Variants in SMG6 observed in about 807,000 individuals in gnomAD.
The protein encoded by SMG6 is SMG6 nonsense mediated mRNA decay factor.
In SMG6, 66 loss-of-function variants were observed where a neutral mutation model predicts 142.2. The ratio of observed to expected loss-of-function variants is 0.46; its 90% CI spans 0.38 to 0.57. The LOEUF is 0.57. Ranked by LOEUF, SMG6 falls within the 20% of genes least tolerant of loss-of-function variation. SMG6 has a pLI of 0.00. For synonymous variants in SMG6, 779 were observed against 702.4 expected, an observed-to-expected ratio of 1.11 and a Z score of -1.72; for missense variants, 1,793 against 1,832.0, an observed-to-expected ratio of 0.98 and a Z score of 0.39.
At chr17:2,194,422 T>C (rs2072254945) in intron 10 of SMG6, among the ~76,000 whole-genome samples, 1 of 152,158 alleles carries the variant, frequency 6.6e-6, no homozygotes, top group African/African-American at 2.4e-5. Context: ...CATGAACTTG[T>C]TTGAAGCAAG....
At chr17:2,189,089 A>G (rs1247063362) in intron 10 of SMG6, among the ~76,000 whole-genome samples, 1 of 152,236 alleles carries the variant, frequency 6.6e-6, no homozygotes, top group African/African-American at 2.4e-5. Context: ...CTTTCATGGA[A>G]TGAGTTAATT....
chr17:2,213,610 G>A (rs546568236), intron 10 of SMG6: 27 of 152,222 alleles, frequency 1.8e-4, no homozygotes, highest in Non-Finnish European at 3.1e-4. Flanking sequence ...AATTTCAATT[G>A]TGCAGCTTTT....
chr17:2,303,412 G>C lies in SMG6; in HGVS notation c.88+221C>G, dbSNP rs2075332249. ...AGAAAGAGGGTGGAGGCAGGAATTC[G>C]GGCCAGGCTCTCCCGGAGCTGGCCA... On this transcript the variant is annotated intron_variant, in intron 1 of 18. Transcript: ENST00000263073. The C allele has an allele frequency of 8.0e-6, 10 of 1,250,990 alleles. No homozygotes were observed. In the East Asian group the frequency reaches 2.5e-4, roughly 32 times the overall value. The allele number at this position is 1,250,990 out of a possible 1,614,324, so 77.5% of individuals were successfully genotyped here. A position where few individuals can be genotyped will look rare whatever the true frequency, so the allele number is the denominator to read the frequency against.
intron 13 of SMG6, among the ~76,000 whole-genome samples, chr17:2,118,443 G>C (rs2069576242): frequency 6.6e-6 from 1 of 152,120 alleles, no homozygotes; most frequent in African/African-American, 2.4e-5. Context: ...GGAGGCTGAG[G>C]CACGAGAATC....
At chr17:2,291,224 G>A (rs1026251681) in intron 6 of SMG6, among the ~76,000 whole-genome samples, 2 of 152,060 alleles carry the variant, frequency 1.3e-5, no homozygotes, top group African/African-American at 4.8e-5. Context: ...CCAGCTACTC[G>A]GGAGGCTGAG....
At chr17:2,274,567 C>T (rs2074607980) in intron 8 of SMG6, among the ~76,000 whole-genome samples, 1 of 152,208 alleles carries the variant, frequency 6.6e-6, no homozygotes, top group South Asian at 2.1e-4. Context: ...ACACGTATTA[C>T]ATTCTATTTG....
At chr17:2,274,834 C>T (rs781720753) in intron 8 of SMG6, among the ~76,000 whole-genome samples, 8 of 152,138 alleles carry the variant, frequency 5.3e-5, no homozygotes, top group Non-Finnish European at 1.0e-4. Flanking sequence ...GAGACAAACA[C>T]CTATTGGCCA....
chr17:2,114,395 A>C (rs1438930749), intron 13 of SMG6, among the ~76,000 whole-genome samples: 1 of 152,188 alleles, frequency 6.6e-6, no homozygotes, highest in Non-Finnish European at 1.5e-5. Context: ...ACTAAAAATA[A>C]ATAAATAAAT....
chr17:2,128,835 G>A (rs866944899), intron 13 of SMG6, among the ~76,000 whole-genome samples: 80 of 102,362 alleles, frequency 7.8e-4, no homozygotes, highest in African/African-American at 1.8e-3. Context: ...AAAAAAAAAA[G>A]AGAGAGAGAG....
At chr17:2,283,499 G>A in intron 7 of SMG6, 126 bp downstream of exon 7, 1 of 739,600 alleles carries the variant, frequency 1.4e-6, no homozygotes. Context: ...CAGACACTGA[G>A]CAATAACTGC....
At chr17:2,094,742 A>G (rs1420976322) in intron 13 of SMG6, 1 of 152,124 alleles carries the variant, frequency 6.6e-6, no homozygotes, top group Non-Finnish European at 1.5e-5. Flanking sequence ...CCCAATATGA[A>G]AGTAGTGATG....
At chr17:2,257,713 T>C (rs115354137) in intron 8 of SMG6, among the ~76,000 whole-genome samples, 215 of 152,046 alleles carry the variant, frequency 1.4e-3, no homozygotes, top group African/African-American at 5.0e-3. Flanking sequence ...GTTCCCAAAC[T>C]TTACAGTACA....
chr17:2,299,141 C>T lies in SMG6; in HGVS notation c.1612G>A (p.Val538Met), dbSNP rs2151413914. The T allele has an allele frequency of 6.2e-7, 1 of 1,613,290 alleles. No homozygotes were observed. The highest frequency in any genetic ancestry group is 2.2e-5 in the East Asian group (1 of 44,874). ...CCTGGGTAGTAAGGCCCTGGGTACA[C>T]ACCATTCGTAGGGCCCACTGGGTAC... ...LQYPVGPTNGVYPGPYYPGYP... is the reference protein window; with the variant it reads ...LQYPVGPTNGMYPGPYYPGYP... The change falls in exon 2 of 19, where the codon GTG becomes ATG. Residue 538 changes from valine to methionine, a missense_variant. Around this residue, in one of 3 missense-constraint regions of SMG6, gnomAD observed 1,597 missense variants for 1,584.6 expected, o/e 1.01. Transcript: ENST00000263073. The surrounding 1 kb of genome is among the most constrained non-coding windows in gnomAD (Gnocchi z 4.3).
intron 1 of SMG6, among the ~76,000 whole-genome samples, chr17:2,301,761 G>A (rs1240565384): frequency 6.6e-6 from 1 of 152,232 alleles, no homozygotes; most frequent in Non-Finnish European, 1.5e-5. Context: ...AGAATAGCGT[G>A]AACCCAGGAG....
At chr17:2,247,519 G>C (rs1567715558) in intron 8 of SMG6, among the ~76,000 whole-genome samples, 1 of 152,210 alleles carries the variant, frequency 6.6e-6, no homozygotes, top group Admixed American at 6.5e-5. Flanking sequence ...CGGGTGCAGT[G>C]GTTCACGCCT....
At chr17:2,089,186 A>G (rs757372046) in intron 13 of SMG6, among the ~76,000 whole-genome samples, 45 of 152,160 alleles carry the variant, frequency 3.0e-4, no homozygotes, top group African/African-American at 4.3e-4. Flanking sequence ...TTTCCACTCT[A>G]TATCAATGAA....
intron 8 of SMG6, among the ~76,000 whole-genome samples, chr17:2,264,682 G>A (rs981683016): frequency 2.0e-5 from 3 of 151,862 alleles, no homozygotes; most frequent in South Asian, 2.1e-4. Context: ...TGGGTGGATC[G>A]CTTGAGCCCA....
intron 9 of SMG6, among the ~76,000 whole-genome samples, chr17:2,238,317 T>C (rs994365183): frequency 6.6e-6 from 1 of 152,174 alleles, no homozygotes; most frequent in Non-Finnish European, 1.5e-5. Context: ...TTTCTCCACA[T>C]GCCATTTCAA....
intron 13 of SMG6, among the ~76,000 whole-genome samples, chr17:2,154,756 T>A (rs1224607213): frequency 6.6e-6 from 1 of 152,174 alleles, no homozygotes; most frequent in Admixed American, 6.5e-5. Context: ...AATTAAAAAG[T>A]ATAAGGACAG....
Sources: gnomAD v4.1 joint callset for allele counts (sites outside exome capture counted in the v4.1 genomes callset) on GRCh38, gnomAD v4.1.1 for gene constraint, gnomAD v4.1.1 regional missense constraint, Gnocchi (gnomAD v3.1) non-coding constraint, MANE v1.5 for transcripts, NCBI Gene and HGNC (gene_info 2026-07-23, HGNC 2026-07-21) for gene names.